LRRC4C: variants seen among roughly 807,000 people sequenced by gnomAD.
The protein encoded by LRRC4C is leucine rich repeat containing 4C, also known as leucine-rich repeat-containing protein 4C.
LRRC4C carries 5 observed loss-of-function variants against 33.6 expected under a neutral mutation model. The ratio of observed to expected loss-of-function variants is 0.15; its 90% CI spans 0.08 to 0.31. The LOEUF (loss-of-function observed/expected upper bound fraction) is 0.31. LRRC4C is among the 10% of genes least tolerant of loss of function. The probability of loss-of-function intolerance (pLI) is 1.00; values close to 1 mark genes in which losing one functional copy is unlikely to be tolerated. For synonymous variants in LRRC4C, 329 were observed against 302.0 expected, an observed-to-expected ratio of 1.09 and a Z score of -0.93; for missense variants, 560 against 796.7, an observed-to-expected ratio of 0.70 and a Z score of 3.58.
intron 3 of LRRC4C, among the ~76,000 whole-genome samples, chr11:40,628,566 A>AT (rs113320188): frequency 0.012 from 1,789 of 152,238 alleles, 37 homozygotes; most frequent in African/African-American, 0.041. Flanking sequence ...TAATCAGAGC[A>AT]TTTTTTTCTA....
At chr11:40,695,688 G>T (rs1945467766) in intron 2 of LRRC4C, among the ~76,000 whole-genome samples, 1 of 151,962 alleles carries the variant, frequency 6.6e-6, no homozygotes, top group African/African-American at 2.4e-5. Flanking sequence ...CCTAGAGGCT[G>T]CCTGTATTCC....
chr11:40,448,480 T>A (rs889081230), intron 3 of LRRC4C, among the ~76,000 whole-genome samples: 1 of 152,072 alleles, frequency 6.6e-6, no homozygotes. Context: ...AACTCCCATG[T>A]ATGAGTGAGA....
intron 1 of LRRC4C, among the ~76,000 whole-genome samples, chr11:41,033,762 A>G (rs570312312): frequency 6.6e-6 from 1 of 152,238 alleles, no homozygotes; most frequent in East Asian, 1.9e-4. Context: ...TCCCACATTA[A>G]AGATAATGTG....
intron 4 of LRRC4C, chr11:40,293,578 A>G (rs1361989591): frequency 6.6e-6 from 1 of 152,066 alleles, no homozygotes; most frequent in South Asian, 2.1e-4. Flanking sequence ...ACAGGGTGGT[A>G]GGCAAATTAA....
chr11:41,309,147 T>A (rs996858635), intron 1 of LRRC4C, among the ~76,000 whole-genome samples: 5 of 152,152 alleles, frequency 3.3e-5, no homozygotes, highest in South Asian at 2.1e-4. Context: ...GTAACAGCAT[T>A]TTCTGGTAGA....
At chr11:41,313,187 G>A (rs1336991395) in intron 1 of LRRC4C, among the ~76,000 whole-genome samples, 2 of 152,162 alleles carry the variant, frequency 1.3e-5, no homozygotes, top group Non-Finnish European at 2.9e-5. Flanking sequence ...GTTCTGTCTT[G>A]TATTCAAAGA....
chr11:41,243,712 C>T (rs1426685256), intron 1 of LRRC4C, among the ~76,000 whole-genome samples: 2 of 152,028 alleles, frequency 1.3e-5, no homozygotes, highest in Non-Finnish European at 2.9e-5. Flanking sequence ...GAAGCACAGC[C>T]TAGGGATAAT....
At chr11:40,971,509 G>T (rs7945280) in intron 1 of LRRC4C, among the ~76,000 whole-genome samples, 2,393 of 152,328 alleles carry the variant, frequency 0.016, 62 homozygotes, top group African/African-American at 0.055. Context: ...GGAAAAGCAT[G>T]GATGTCCATG....
At chr11:40,230,292 C>A (rs1371473277) in intron 5 of LRRC4C, among the ~76,000 whole-genome samples, 1 of 152,216 alleles carries the variant, frequency 6.6e-6, no homozygotes, top group Non-Finnish European at 1.5e-5. Flanking sequence ...CTTTTGATAT[C>A]CAAGTCACTG....
chr11:40,184,053 C>G (rs1861217260), intron 5 of LRRC4C, among the ~76,000 whole-genome samples: 1 of 152,164 alleles, frequency 6.6e-6, no homozygotes, highest in Non-Finnish European at 1.5e-5. Flanking sequence ...GAAGCAGCAG[C>G]AAAAATCAGA....
intron 2 of LRRC4C, among the ~76,000 whole-genome samples, chr11:40,696,643 G>T (rs1366188294): frequency 6.7e-6 from 1 of 148,938 alleles, no homozygotes; most frequent in Non-Finnish European, 1.5e-5. Flanking sequence ...GGGACAGTCT[G>T]TTTTAAGGAG....
At chr11:40,535,967 T>C (rs1035190349) in intron 3 of LRRC4C, among the ~76,000 whole-genome samples, 1 of 152,214 alleles carries the variant, frequency 6.6e-6, no homozygotes, top group Non-Finnish European at 1.5e-5. Context: ...GAAAATACTC[T>C]GGTCACTTCA....
chr11:41,198,005 A>G (rs1263992303), intron 1 of LRRC4C, among the ~76,000 whole-genome samples: 1 of 151,972 alleles, frequency 6.6e-6, no homozygotes. Context: ...AGTTTATTCC[A>G]TGATTTTTTC....
intron 2 of LRRC4C, among the ~76,000 whole-genome samples, chr11:40,695,117 A>G (rs1945427017): frequency 6.6e-6 from 1 of 152,206 alleles, no homozygotes; most frequent in Non-Finnish European, 1.5e-5. Flanking sequence ...AATGCAGTAC[A>G]ATAAAGAGGC....
Position 41,123,342 on chromosome 11 carries a change from G to T in LRRC4C, c.-495-189619C>A, listed in dbSNP as rs1474152815. Among the ~76,000 whole-genome samples the T allele has an allele frequency of 2.0e-4, 27 of 131,930 alleles. 1 individual carries two copies. In the East Asian group the frequency reaches 6.1e-3, roughly 30 times the overall value. 86.6% of individuals were successfully genotyped at this position (131,930 alleles called of 152,430 possible). A position where few individuals can be genotyped will look rare whatever the true frequency, so the allele number is the denominator to read the frequency against. Reference sequence around the variant, plus strand: ...GGCTGGAGTGCAGTGGCGGGATCTCGGCTCACTGCAAGCTCCGCCTCCCGG... The same window carrying T: ...GGCTGGAGTGCAGTGGCGGGATCTCTGCTCACTGCAAGCTCCGCCTCCCGG... On this transcript the variant is annotated intron_variant, in intron 1 of 6. Transcript: ENST00000528697.
intron 3 of LRRC4C, among the ~76,000 whole-genome samples, chr11:40,516,771 G>A (rs1324471248): frequency 6.6e-6 from 1 of 152,048 alleles, no homozygotes; most frequent in Non-Finnish European, 1.5e-5. Flanking sequence ...AATACCCAAT[G>A]TAAAAATATG....
intron 1 of LRRC4C, among the ~76,000 whole-genome samples, chr11:40,982,014 T>G (rs1852580489): frequency 6.6e-6 from 1 of 152,180 alleles, no homozygotes; most frequent in Non-Finnish European, 1.5e-5. Context: ...AAATAATATA[T>G]CTACACTTCT....
Position 40,405,316 on chromosome 11 carries a change from A to C in LRRC4C, c.-269-85595T>G, listed in dbSNP as rs547217749. On this transcript the variant is annotated intron_variant, in intron 3 of 6. Transcript: ENST00000528697. ...GGCCACCCAGCTAGAGATATTCCCC[A>C]AAATGGTCATGTGATCAGGTTATCA... Among the ~76,000 whole-genome samples the C allele has an allele frequency of 7.2e-5, 11 of 152,122 alleles. No individual in the cohort carries two copies. The South Asian group carries it at 2.3e-3, about 32-fold the overall frequency.
At chr11:41,093,882 G>A (rs1378052386) in intron 1 of LRRC4C, among the ~76,000 whole-genome samples, 1 of 137,508 alleles carries the variant, frequency 7.3e-6, no homozygotes, top group Non-Finnish European at 1.5e-5. Flanking sequence ...ACAAGGTCAG[G>A]AGATCGAGAC....
Sources: gnomAD v4.1 joint callset for allele counts (sites outside exome capture counted in the v4.1 genomes callset) on GRCh38, gnomAD v4.1.1 for gene constraint, MANE v1.5 for transcripts, NCBI Gene and HGNC (gene_info 2026-07-23, HGNC 2026-07-21) for gene names.